PARD3: variants seen among roughly 807,000 people sequenced by gnomAD.
The protein encoded by PARD3 is partitioning defective 3 homolog.
Under a neutral mutation model 155.4 loss-of-function variants are expected in PARD3, and 75 were observed. The ratio of observed to expected loss-of-function variants is 0.48; its 90% CI spans 0.40 to 0.58. PARD3 has a LOEUF of 0.58. Among genes scored for constraint, PARD3 ranks in the 20% least tolerant of loss-of-function variants. The pLI is 0.00. For synonymous variants in PARD3, 576 were observed against 610.5 expected (o/e 0.94, Z 0.83); for missense variants, 1,642 against 1,721.7 (o/e 0.95, Z 0.82).
chr10:34,812,865 C>CTT (rs931376341), intron 1 of PARD3, among the ~76,000 whole-genome samples: 4 of 152,178 alleles, frequency 2.6e-5, no homozygotes, highest in African/African-American at 9.7e-5. Context: ...ACTGCACTCC[C>CTT]TTTTCTACGC....
intron 22 of PARD3, among the ~76,000 whole-genome samples, chr10:34,239,990 G>T (rs1364616430): frequency 3.3e-5 from 5 of 152,130 alleles, no homozygotes; most frequent in Admixed American, 6.5e-5. Context: ...TAGGAAATTG[G>T]ATAAACAGAA....
chr10:34,230,200 A>G (rs1952847922), intron 22 of PARD3, among the ~76,000 whole-genome samples: 1 of 152,088 alleles, frequency 6.6e-6, no homozygotes, highest in Non-Finnish European at 1.5e-5. Context: ...AATACATACC[A>G]TAGAACATAA....
rs1307097629 is a variant in PARD3 at position 34,348,054 on chromosome 10, C to T, written c.2129G>A (p.Arg710Lys). Reference protein sequence around the residue: ...ELPIETALDDRERRISHSLYS... With the variant: ...ELPIETALDDKERRISHSLYS... ...GAGGGAATGGGAAATTCTTCGTTCT[C>T]TATCATCCAACGCTGTTTCAATGGG... The change falls in exon 15 of 25, where the codon AGA becomes AAA. Residue 710 changes from arginine to lysine, a missense_variant. Arg to Lys is a conservative substitution (Grantham distance 26, BLOSUM62 2). Coordinates refer to ENST00000374788, the MANE Select transcript of PARD3 (RefSeq NM_001184785.2). 2 of 1,613,354 alleles carry T rather than the reference C, an allele frequency of 1.2e-6. No homozygotes were observed. Among genetic ancestry groups the T allele is most frequent in the South Asian group, 1.1e-5 (1 of 90,768 alleles).
At chr10:34,650,795 T>TG (rs1359509912) in intron 2 of PARD3, among the ~76,000 whole-genome samples, 1 of 152,058 alleles carries the variant, frequency 6.6e-6, no homozygotes, top group African/African-American at 2.4e-5. Flanking sequence ...CCGGATCACC[T>TG]GAGGTCAGGA....
rs1293407001 is a variant in PARD3, at chr10:34,422,425, G to A, written c.715-20508C>T. Reference sequence around the variant, plus strand: ...AACAAAAGCAAAAATAGGCAAACAAGATTGCATCAAACTAAACTAAAAAGC... The same window carrying A: ...AACAAAAGCAAAAATAGGCAAACAAAATTGCATCAAACTAAACTAAAAAGC... On this transcript the variant is annotated intron_variant, in intron 5 of 24. Coordinates refer to ENST00000374788, the MANE Select transcript of PARD3 (RefSeq NM_001184785.2). Among the ~76,000 whole-genome samples, 3 of 151,924 alleles carry A rather than the reference G, an allele frequency of 2.0e-5. No individual in the cohort carries two copies. In the East Asian group the frequency reaches 5.8e-4, roughly 29 times the overall value.
At chr10:34,212,893 A>G (rs971843909) in intron 22 of PARD3, among the ~76,000 whole-genome samples, 1 of 152,188 alleles carries the variant, frequency 6.6e-6, no homozygotes, top group Non-Finnish European at 1.5e-5. Flanking sequence ...GCTCAGAGGC[A>G]TCATCAGAAC....
chr10:34,654,836 C>A (rs1187376072), intron 2 of PARD3, among the ~76,000 whole-genome samples: 1 of 152,158 alleles, frequency 6.6e-6, no homozygotes. Context: ...ACAATTTTGA[C>A]CCCCACCTTT....
chr10:34,467,513 T>TGAGATGGGAGGAACTTGG (rs1306228162), intron 4 of PARD3, among the ~76,000 whole-genome samples: 7 of 152,030 alleles, frequency 4.6e-5, no homozygotes, highest in South Asian at 2.1e-4. Flanking sequence ...TTTGGGACGC[T>TGAGATGGGAGGAACTTGG]GAGATGGGAG....
chr10:34,427,335 C>T (rs1047251677), intron 5 of PARD3, among the ~76,000 whole-genome samples: 4 of 152,188 alleles, frequency 2.6e-5, no homozygotes, highest in Non-Finnish European at 5.9e-5. Context: ...CAGGCGGGGC[C>T]TCTCAAATGG....
intron 7 of PARD3, among the ~76,000 whole-genome samples, chr10:34,396,554 G>A (rs1018031270): frequency 3.3e-5 from 5 of 151,954 alleles, no homozygotes; most frequent in Non-Finnish European, 5.9e-5. Flanking sequence ...TGCATTATTC[G>A]TTAGATGCTC....
intron 22 of PARD3, among the ~76,000 whole-genome samples, chr10:34,148,210 G>A (rs370323550): frequency 3.3e-5 from 5 of 152,092 alleles, no homozygotes; most frequent in East Asian, 3.9e-4. Context: ...CTAAAGAACC[G>A]CTTTGGGATT....
chr10:34,518,176 G>A (rs1294489357), intron 2 of PARD3, among the ~76,000 whole-genome samples: 1 of 152,198 alleles, frequency 6.6e-6, no homozygotes, highest in Non-Finnish European at 1.5e-5. Flanking sequence ...ACTGCTCCCG[G>A]CCAAACTCAC....
chr10:34,606,965 T>TAAAAA (rs531578595), intron 2 of PARD3, among the ~76,000 whole-genome samples: 6 of 114,826 alleles, frequency 5.2e-5, no homozygotes, highest in South Asian at 3.1e-4. Flanking sequence ...GACTCTGTCT[T>TAAAAA]AAAAAAAAAA....
intron 22 of PARD3, among the ~76,000 whole-genome samples, chr10:34,243,019 T>C (rs1023513967): frequency 1.8e-4 from 27 of 152,238 alleles, no homozygotes; most frequent in Non-Finnish European, 5.9e-5. Context: ...TTTGCATTTC[T>C]ATCTTGTTAG....
intron 21 of PARD3, among the ~76,000 whole-genome samples, chr10:34,281,463 C>G (rs1348977867): frequency 6.6e-6 from 1 of 152,154 alleles, no homozygotes; most frequent in Non-Finnish European, 1.5e-5. Context: ...AGGCTCTAGT[C>G]TGAGGCAGGG....
chr10:34,665,840 A>AAGAACAGAACAGAACAGAACAGAAC (rs60764123), intron 2 of PARD3, among the ~76,000 whole-genome samples: 1,599 of 136,672 alleles, frequency 0.012, 38 homozygotes, highest in Non-Finnish European at 0.013. Context: ...GTCTCAATTA[A>AAGAACAGAACAGAACAGAACAGAAC]AGAACAGAAC....
chr10:34,801,364 G>A (rs761778224), intron 1 of PARD3, among the ~76,000 whole-genome samples: 4 of 152,172 alleles, frequency 2.6e-5, no homozygotes, highest in Non-Finnish European at 2.9e-5. Context: ...TGCATATGGG[G>A]AGAGGGAAGA....
At chr10:34,349,662 AAC>A (rs1319446529) in intron 14 of PARD3, among the ~76,000 whole-genome samples, 1 of 150,316 alleles carries the variant, frequency 6.7e-6, no homozygotes, top group East Asian at 2.0e-4. Context: ...TTTTTAAATT[AAC>A]ACACACACTA....
rs12267112 is a variant in PARD3, at chr10:34,326,348, C to G, written c.2833+4769G>C. On this transcript the variant is annotated intron_variant, in intron 19 of 24. Transcript: ENST00000374788. ...TAAACTGCAGGTTAAGTATATGTAT[C>G]ATTTTATTTGCATAAAATGATGTGA... Among the ~76,000 whole-genome samples the G allele has an allele frequency of 2.1e-3, 320 of 152,086 alleles. 1 individual carries two copies. The highest frequency in any genetic ancestry group is 7.4e-3 in the African/African-American group (305 of 41,416).
Sources: allele counts gnomAD v4.1 joint callset (sites outside exome capture counted in the v4.1 genomes callset), GRCh38; gene constraint gnomAD v4.1.1; transcripts MANE v1.5; gene names NCBI Gene and HGNC (gene_info 2026-07-23, HGNC 2026-07-21).